Variants in NCKAP1L observed in about 807,000 individuals in gnomAD.
NCKAP1L encodes nck-associated protein 1-like.
In NCKAP1L, 53 loss-of-function variants were observed where a neutral mutation model predicts 139.2. The ratio of observed to expected loss-of-function variants is 0.38; its 90% CI spans 0.31 to 0.48. The LOEUF (loss-of-function observed/expected upper bound fraction) is 0.48. Among genes scored for constraint, NCKAP1L ranks in the 20% least tolerant of loss-of-function variants. The probability of loss-of-function intolerance (pLI) is 0.98; values close to 1 mark genes in which losing one functional copy is unlikely to be tolerated. For missense variants in NCKAP1L, 1,151 were observed against 1,381.9 expected (o/e 0.83, Z 2.65); for synonymous variants, 468 against 499.7 (o/e 0.94, Z 0.85).
chr12:54,514,312 TA>T (rs1400882926), intron 9 of NCKAP1L, among the ~76,000 whole-genome samples: 3 of 145,502 alleles, frequency 2.1e-5, no homozygotes, highest in African/African-American at 7.5e-5. Flanking sequence ...AATCTGTGAA[TA>T]TTTTTTTATT....
chr12:54,542,784 G>A lies in NCKAP1L; in HGVS notation c.*99G>A. 1 of 730,430 alleles carries A rather than the reference G, an allele frequency of 1.4e-6. No homozygotes were observed. Among genetic ancestry groups the A allele is most frequent in the Non-Finnish European group, 2.4e-6 (1 of 413,394 alleles). 45.2% of individuals were successfully genotyped at this position (730,430 alleles called of 1,614,324 possible). A position where few individuals can be genotyped will look rare whatever the true frequency, so the allele number is the denominator to read the frequency against. ...TTCGCAGGGGGTGGGAATGGGGTGG[G>A]GTCACTAAGGAGAGAGGGTCAGGAG... On this transcript the variant is annotated 3_prime_UTR_variant, in exon 31 of 31. Coordinates refer to ENST00000293373, the MANE Select transcript of NCKAP1L (RefSeq NM_005337.5).
At chr12:54,518,858 G>T (rs1956955963) in intron 14 of NCKAP1L, 56 bp from the exon 15 acceptor site, 1 of 1,522,274 alleles carries the variant, frequency 6.6e-7, no homozygotes, top group Admixed American at 1.7e-5. Flanking sequence ...ATTCTATGTA[G>T]TTGGATATTG....
intron 3 of NCKAP1L, among the ~76,000 whole-genome samples, chr12:54,505,445 T>C (rs1210357753): frequency 5.0e-4 from 1 of 1,988 alleles, no homozygotes; most frequent in East Asian, 0.25. Context: ...TCCTTGTGCC[T>C]TTTTTTTTTT....
At position 54,521,252 on chromosome 12, in the gene NCKAP1L, TC is replaced by T; in HGVS notation, c.1878+15del. ...CTGAGCGAGCAGGTAGACTCAGCCC[TC>T]TCTGTTTCACTCTCCCCTCTGCCAG... On this transcript the variant is annotated intron_variant, in intron 18 of 30. Transcript: ENST00000293373. 6.2e-7 allele frequency: 1 copy of T among 1,613,178 alleles called. No individual in the cohort carries two copies. The highest frequency in any genetic ancestry group is 8.5e-7 in the Non-Finnish European group (1 of 1,179,338).
At chr12:54,518,856 T>C (rs1956955916) in intron 14 of NCKAP1L, 58 bp from the exon 15 acceptor site, 2 of 1,506,078 alleles carry the variant, frequency 1.3e-6, no homozygotes, top group Non-Finnish European at 1.8e-6. Flanking sequence ...CCATTCTATG[T>C]AGTTGGATAT....
chr12:54,517,176 C>T (rs531811249), intron 11 of NCKAP1L, among the ~76,000 whole-genome samples, 184 bp downstream of exon 11: 12 of 152,266 alleles, frequency 7.9e-5, no homozygotes, highest in African/African-American at 2.4e-4. Flanking sequence ...TGGCACTATA[C>T]GTAGTATGTG....
At chr12:54,499,593 C>T (rs1956780587) in intron 2 of NCKAP1L, 128 bp downstream of exon 2, 2 of 602,642 alleles carry the variant, frequency 3.3e-6, no homozygotes, top group Non-Finnish European at 5.9e-6. Context: ...TAATAGTTTT[C>T]CAAGGCTCAA....
intron 10 of NCKAP1L, among the ~76,000 whole-genome samples, 155 bp downstream of exon 10, chr12:54,516,450 CT>C (rs112859632): frequency 1.3e-3 from 185 of 145,250 alleles, no homozygotes; most frequent in East Asian, 0.011. Context: ...CTTTTCTTTT[CT>C]TTTTTTTTTT....
intron 7 of NCKAP1L, 48 bp downstream of exon 7, chr12:54,510,033 G>C (rs1241727678): frequency 6.2e-7 from 1 of 1,607,942 alleles, no homozygotes; most frequent in Non-Finnish European, 8.5e-7. Context: ...CTTTGCCAAG[G>C]CCATCATCTC....
Position 54,511,979 on chromosome 12 carries a change from A to G in NCKAP1L, c.815A>G (p.Asn272Ser). 6.2e-7 allele frequency: 1 copy of G among 1,614,050 alleles called. No homozygotes were observed. The change falls in exon 9 of 31, where the codon AAC becomes AGC. Residue 272 changes from asparagine (N) to serine (S), a missense_variant. Asn to Ser is a conservative substitution (Grantham distance 46, BLOSUM62 1). Transcript: ENST00000293373. The part of the protein sequence containing the change: ...IGFLLCHGCL[N>S]SNSQCQKLWK... ...TTTCTTCTTTGTCATGGGTGCCTCAACTCCAATAGCCAGTGCCAGAAGCTG... is the reference window on the plus strand; with the variant it reads ...TTTCTTCTTTGTCATGGGTGCCTCAGCTCCAATAGCCAGTGCCAGAAGCTG...
chr12:54,521,382 A>G lies in NCKAP1L; in HGVS notation c.1878+144A>G. On this transcript the variant is annotated intron_variant, in intron 18 of 30. Transcript: ENST00000293373. ...CTAGGGCCTTTCTGTACTTGAGTTT[A>G]TGGCAGAATTCTTTTCTTAGTGTAG... 3 of 1,132,538 alleles carry G rather than the reference A, an allele frequency of 2.6e-6. 1 individual carries two copies. In the South Asian group the frequency reaches 4.7e-5, roughly 18 times the overall value. The allele number at this position is 1,132,538 out of a possible 1,614,324, so 70.2% of individuals were successfully genotyped here. A position where few individuals can be genotyped will look rare whatever the true frequency, so the allele number is the denominator to read the frequency against.
chr12:54,509,612 A>G, intron 5 of NCKAP1L, 57 bp from the exon 6 acceptor site: 2 of 1,205,440 alleles, frequency 1.7e-6, no homozygotes, highest in East Asian at 2.3e-5. Context: ...TGCAAACATA[A>G]GAGTTCAAGT....
chr12:54,529,242 G>T (rs567992853), intron 22 of NCKAP1L, among the ~76,000 whole-genome samples: 2 of 152,262 alleles, frequency 1.3e-5, no homozygotes, highest in East Asian at 3.9e-4. Context: ...GGGGGCTTAA[G>T]CACTGTACAG....
intron 16 of NCKAP1L, among the ~76,000 whole-genome samples, chr12:54,519,727 G>A (rs1388442511): frequency 6.6e-6 from 1 of 152,114 alleles, no homozygotes; most frequent in Non-Finnish European, 1.5e-5. Context: ...AATCTTAAGT[G>A]ATAGGAATTT....
In NCKAP1L at chr12:54,519,095, C is replaced by T. The variant is rs1319090409; in HGVS notation, c.1480-92C>T. The T allele has an allele frequency of 2.6e-5, 40 of 1,567,530 alleles. 1 individual carries two copies. The East Asian group carries it at 9.0e-4, about 35-fold the overall frequency. On this transcript the variant is annotated intron_variant, in intron 15 of 30. Coordinates refer to ENST00000293373, the MANE Select transcript of NCKAP1L (RefSeq NM_005337.5). ...TCAACTTTGAAAACTGCTAATTGGA[C>T]AAGACATACTCAGGCCAAACTGTAA...
At chr12:54,498,424 T>TGTGTGTGTGC (rs1956768450) in intron 1 of NCKAP1L, among the ~76,000 whole-genome samples, 1 of 151,692 alleles carries the variant, frequency 6.6e-6, no homozygotes. Flanking sequence ...TGTGTGTGTG[T>TGTGTGTGTGC]GTGTGTGTGT....
At position 54,528,487 on chromosome 12, in the gene NCKAP1L, A is replaced by G. The variant is rs570568529; in HGVS notation, c.2506+110A>G. ...GGTTGGTGCAAAAGTAATTTTTGCA[A>G]TTACTTTTCATTGCAAAAACCACAG... On this transcript the variant is annotated intron_variant, in intron 22 of 30. Coordinates refer to ENST00000293373, the MANE Select transcript of NCKAP1L (RefSeq NM_005337.5). 35 of 1,329,396 alleles carry G rather than the reference A, an allele frequency of 2.6e-5. 1 individual carries two copies. The East Asian group carries it at 7.4e-4, about 28-fold the overall frequency. 82.4% of individuals were successfully genotyped at this position (1,329,396 alleles called of 1,614,324 possible). A position where few individuals can be genotyped will look rare whatever the true frequency, so the allele number is the denominator to read the frequency against.
rs1009961899 is a variant in NCKAP1L, at chr12:54,529,254, G to C, written c.2506+877G>C. On this transcript the variant is annotated intron_variant, in intron 22 of 30. Transcript: ENST00000293373. ...ACTGGGGGCTTAAGCACTGTACAGC[G>C]CTGCCTTCCAGTGTCTAGAAGTGCT... Among the ~76,000 whole-genome samples, 10 of 152,218 alleles carry C rather than the reference G, an allele frequency of 6.6e-5. No individual in the cohort carries two copies. The East Asian group carries it at 1.9e-3, about 29-fold the overall frequency.
Position 54,508,375 on chromosome 12 carries a change from T to C in NCKAP1L, c.364-14T>C, listed in dbSNP as rs1956859608. ...GCCATGCTGTCCTTGGGTTCCTATG[T>C]ATTTTCCTTGTAGAATCTCAACTTT... On this transcript the variant is annotated splice_polypyrimidine_tract_variant and intron_variant, in intron 4 of 30. Coordinates refer to ENST00000293373, the MANE Select transcript of NCKAP1L (RefSeq NM_005337.5). The C allele has an allele frequency of 6.2e-7, 1 of 1,613,886 alleles. No individual in the cohort carries two copies. Among genetic ancestry groups the C allele is most frequent in the South Asian group, 1.1e-5 (1 of 91,080 alleles).
Sources: allele counts gnomAD v4.1 joint callset (sites outside exome capture counted in the v4.1 genomes callset), GRCh38; gene constraint gnomAD v4.1.1; transcripts MANE v1.5; gene names NCBI Gene and HGNC (gene_info 2026-07-23, HGNC 2026-07-21).